KDM4C: variants seen among roughly 807,000 people sequenced by gnomAD.
The protein encoded by KDM4C is lysine demethylase 4C, also known as lysine-specific demethylase 4C.
In KDM4C, 81 loss-of-function variants were observed where a neutral mutation model predicts 129.3. That is an observed-to-expected ratio of 0.63 (90% CI 0.52 to 0.75). KDM4C has a LOEUF of 0.75. KDM4C is among the 30% of genes least tolerant of loss of function. The pLI is 0.00. For missense variants in KDM4C, 1,457 were observed against 1,304.0 expected, an observed-to-expected ratio of 1.12 and a Z score of -1.81; for synonymous variants, 573 against 456.1, an observed-to-expected ratio of 1.26 and a Z score of -3.26.
chr9:6,851,409 G>T (rs1192623560), intron 5 of KDM4C, among the ~76,000 whole-genome samples: 1 of 152,200 alleles, frequency 6.6e-6, no homozygotes, highest in East Asian at 1.9e-4. Flanking sequence ...AGCTTGGAGA[G>T]ACTAGGAGAA....
intron 3 of KDM4C, among the ~76,000 whole-genome samples, chr9:6,807,571 G>A (rs1259857852): frequency 1.3e-5 from 2 of 149,692 alleles, no homozygotes; most frequent in African/African-American, 2.4e-5. Context: ...CTGCCCGGCC[G>A]AGACCCCGTC....
rs141047829 is a variant in KDM4C at position 6,845,184 on chromosome 9, T to C, written c.436-4323T>C. On this transcript the variant is annotated intron_variant, in intron 4 of 21. Coordinates refer to ENST00000381309, the MANE Select transcript of KDM4C (RefSeq NM_015061.6). ...ACTGTGGAGAGAGTCCAGGATGGCC[T>C]AGTTGAGACATTGAAGATTTAGGAA... Among the ~76,000 whole-genome samples the C allele has an allele frequency of 3.2e-3, 489 of 152,266 alleles. 2 individuals are homozygous for C. The highest frequency in any genetic ancestry group is 0.011 in the African/African-American group (463 of 41,556).
intron 8 of KDM4C, among the ~76,000 whole-genome samples, chr9:6,953,214 C>T (rs371072777): frequency 2.6e-5 from 4 of 152,308 alleles, no homozygotes; most frequent in African/African-American, 9.6e-5. Context: ...ATCTCCCTTT[C>T]ACTCAAACAA....
rs1823148698 is a variant in KDM4C at position 7,013,847 on chromosome 9, T to C, written c.2028T>C (p.Val676=). The change falls in exon 14 of 22, where the codon GTT becomes GTC. Residue 676 remains valine, a synonymous_variant. Transcript: ENST00000381309. The stretch of plus-strand genomic sequence containing the variant: ...GGGAGACAAAATTAGATGAAGTCGT[T>C]ACATCGGAGGGAAAGACTAAGCCCC... ...ARWETKLDEV[V]TSEGKTKPLI... 1 of 1,614,052 alleles carries C rather than the reference T, an allele frequency of 6.2e-7. No homozygotes were observed. Among genetic ancestry groups the C allele is most frequent in the East Asian group, 2.2e-5 (1 of 44,868 alleles).
chr9:7,094,937 G>A (rs149073551), intron 17 of KDM4C, among the ~76,000 whole-genome samples: 1 of 152,150 alleles, frequency 6.6e-6, no homozygotes, highest in African/African-American at 2.4e-5. Context: ...CCTTGGGATA[G>A]CTTCTGGTGT....
At chr9:6,774,225 A>G (rs368865226) in intron 1 of KDM4C, among the ~76,000 whole-genome samples, 9 of 152,292 alleles carry the variant, frequency 5.9e-5, no homozygotes, top group African/African-American at 2.2e-4. Flanking sequence ...AAATACAATG[A>G]AAAAACAGTC....
chr9:6,907,237 C>G (rs1037085472), intron 8 of KDM4C, among the ~76,000 whole-genome samples: 7 of 152,070 alleles, frequency 4.6e-5, no homozygotes, highest in African/African-American at 1.7e-4. Flanking sequence ...AAAAAGCAAT[C>G]TTAAAAATAT....
chr9:6,722,082 T>A (rs1816972969), intron 1 of KDM4C, among the ~76,000 whole-genome samples: 1 of 152,216 alleles, frequency 6.6e-6, no homozygotes, highest in Non-Finnish European at 1.5e-5. Context: ...GTAGAGGAAC[T>A]GTTCCGTGCT....
At position 7,013,868 on chromosome 9, in the gene KDM4C, G is replaced by A; in HGVS notation, c.2049G>A (p.Lys683=). 1.2e-6 allele frequency: 2 copies of A among 1,613,952 alleles called. No individual in the cohort carries two copies. Among genetic ancestry groups the A allele is most frequent in the Middle Eastern group, 1.6e-4 (1 of 6,062 alleles). The change falls in exon 14 of 22, where the codon AAG becomes AAA. Residue 683 remains lysine, a synonymous_variant. Coordinates refer to ENST00000381309, the MANE Select transcript of KDM4C (RefSeq NM_015061.6). The stretch of plus-strand genomic sequence containing the variant: ...TCGTTACATCGGAGGGAAAGACTAA[G>A]CCCCTCATACCAGAGATGTGTTTTA... ...DEVVTSEGKT[K]PLIPEMCFIY...
At chr9:6,822,591 AT>A (rs569479249) in intron 4 of KDM4C, among the ~76,000 whole-genome samples, 63 of 151,920 alleles carry the variant, frequency 4.1e-4, no homozygotes, top group African/African-American at 1.3e-3. Flanking sequence ...TAAGATCTGG[AT>A]TTTTTTTTGT....
At chr9:6,967,887 A>G (rs748502626) in intron 8 of KDM4C, among the ~76,000 whole-genome samples, 9 of 152,208 alleles carry the variant, frequency 5.9e-5, no homozygotes, top group Non-Finnish European at 1.0e-4. Flanking sequence ...TGCATATTCT[A>G]TGGCTTTTCA....
intron 6 of KDM4C, among the ~76,000 whole-genome samples, chr9:6,886,984 A>G (rs1045753328): frequency 6.6e-6 from 1 of 152,214 alleles, no homozygotes; most frequent in Non-Finnish European, 1.5e-5. Flanking sequence ...CATTTCCAGC[A>G]GTTTCCCCCC....
intron 17 of KDM4C, among the ~76,000 whole-genome samples, chr9:7,075,148 C>T (rs1833750506): frequency 6.6e-6 from 1 of 152,208 alleles, no homozygotes; most frequent in East Asian, 1.9e-4. Context: ...TCAGACAATT[C>T]TGCAGTCAGG....
chr9:7,065,033 A>G (rs1483753539), intron 17 of KDM4C, among the ~76,000 whole-genome samples: 1 of 152,246 alleles, frequency 6.6e-6, no homozygotes, highest in African/African-American at 2.4e-5. Context: ...GTTCTAGTGA[A>G]AGATAAATGT....
At chr9:6,995,785 C>A (rs1270473816) in intron 12 of KDM4C, among the ~76,000 whole-genome samples, 1 of 152,082 alleles carries the variant, frequency 6.6e-6, no homozygotes, top group Non-Finnish European at 1.5e-5. Flanking sequence ...CATTCTCCTA[C>A]CTCAGCCTCC....
At chr9:6,960,312 C>G (rs897572409) in intron 8 of KDM4C, among the ~76,000 whole-genome samples, 4 of 142,510 alleles carry the variant, frequency 2.8e-5, no homozygotes, top group Non-Finnish European at 6.0e-5. Flanking sequence ...AATACAGGGT[C>G]TCTGTCACCC....
rs570519616 is a variant in KDM4C at position 6,889,449 on chromosome 9, T to G, written c.783+1386T>G. Among the ~76,000 whole-genome samples, 288 of 152,108 alleles carry G rather than the reference T, an allele frequency of 1.9e-3. 3 individuals are homozygous for G. The highest frequency in any genetic ancestry group is 6.6e-3 in the African/African-American group (272 of 41,488). ...ATGAAAAAATCGTGCCTCCGAGATG[T>G]GCACCGTGGGGGCTGCCTGCGGGTG... is the stretch of plus-strand genomic sequence containing the variant. On this transcript the variant is annotated intron_variant, in intron 7 of 21. Transcript: ENST00000381309.
At chr9:6,830,034 G>C (rs1031567086) in intron 4 of KDM4C, among the ~76,000 whole-genome samples, 3 of 152,162 alleles carry the variant, frequency 2.0e-5, no homozygotes, top group African/African-American at 4.8e-5. Context: ...CTGTTTTACA[G>C]ATGATCAAAA....
intron 8 of KDM4C, among the ~76,000 whole-genome samples, chr9:6,938,936 A>C (rs1050983269): frequency 1.3e-5 from 2 of 152,080 alleles, no homozygotes; most frequent in Admixed American, 6.5e-5. Context: ...ACTCAAAGCA[A>C]CATTGTATTA....
Sources: gnomAD v4.1 joint callset for allele counts (sites outside exome capture counted in the v4.1 genomes callset) on GRCh38, gnomAD v4.1.1 for gene constraint, MANE v1.5 for transcripts, NCBI Gene and HGNC (gene_info 2026-07-23, HGNC 2026-07-21) for gene names.